Variants in BCL2L11 observed in about 807,000 individuals in gnomAD.
The protein encoded by BCL2L11 is bcl-2-like protein 11.
In BCL2L11, 15 loss-of-function variants were observed where a neutral mutation model predicts 20.6. The ratio of observed to expected loss-of-function variants is 0.73; its 90% CI spans 0.49 to 1.12. The LOEUF is 1.12. BCL2L11 is among the 50% of genes most tolerant of loss of function. The pLI, the probability that BCL2L11 is intolerant of heterozygous loss-of-function variation, is 0.00. For missense variants in BCL2L11, 292 were observed against 260.9 expected (o/e 1.12, Z -0.82); for synonymous variants, 108 against 92.8 (o/e 1.16, Z -0.94).
intron 2 of BCL2L11, among the ~76,000 whole-genome samples, chr2:111,136,562 C>G (rs1193854606): frequency 6.6e-6 from 1 of 152,160 alleles, no homozygotes; most frequent in African/African-American, 2.4e-5. Flanking sequence ...GGGTGGCTTA[C>G]AAACAACAGA....
intron 2 of BCL2L11, chr2:111,144,670 C>G: frequency 9.3e-7 from 1 of 1,073,186 alleles, no homozygotes; most frequent in East Asian, 2.6e-5. Context: ...ATTTTTCTTT[C>G]TCTAAATGAA....
At chr2:111,142,399 GTTTTTC>G (rs1306273371) in intron 2 of BCL2L11, 1 of 1,548,922 alleles carries the variant, frequency 6.5e-7, no homozygotes, top group East Asian at 2.4e-5. Context: ...AAGGTGAAAA[GTTTTTC>G]TTTTTATTCA....
At chr2:111,150,547 G>A (rs1217200450) in intron 3 of BCL2L11, among the ~76,000 whole-genome samples, 4 of 152,172 alleles carry the variant, frequency 2.6e-5, no homozygotes, top group South Asian at 2.1e-4. Context: ...GTCACTTAGC[G>A]CATGGGAGCG....
intron 2 of BCL2L11, chr2:111,145,980 A>T (rs1470214399): frequency 1.0e-6 from 1 of 981,204 alleles, no homozygotes; most frequent in Non-Finnish European, 1.2e-6. Context: ...TCTGCCTAGG[A>T]AGTCACCTCT....
In BCL2L11 at chr2:111,165,913, T is replaced by G. The variant is rs934741825; in HGVS notation, c.*1682T>G. 6.6e-6 allele frequency: 1 copy of G among 152,234 alleles called. No individual in the cohort carries two copies. Among genetic ancestry groups the G allele is most frequent in the Admixed American group, 6.5e-5 (1 of 15,286 alleles). 9.4% of individuals were successfully genotyped at this position (152,234 alleles called of 1,614,324 possible). A position where few individuals can be genotyped will look rare whatever the true frequency, so the allele number is the denominator to read the frequency against. ...ATTTTTATCTTCATAATTTAAAAAA[T>G]ATATATGTATATATTGCATATTCAC... On this transcript the variant is annotated 3_prime_UTR_variant, in exon 4 of 4. Transcript: ENST00000393256.
intron 2 of BCL2L11, among the ~76,000 whole-genome samples, chr2:111,141,140 C>T (rs1387216553): frequency 6.6e-6 from 1 of 152,214 alleles, no homozygotes; most frequent in African/African-American, 2.4e-5. Context: ...CATGGCCCTT[C>T]CGCAGTGGTC....
intron 2 of BCL2L11, chr2:111,128,965 A>G (rs2150292702): frequency 1.5e-6 from 1 of 685,816 alleles, no homozygotes; most frequent in Non-Finnish European, 2.2e-6. Context: ...TGGAGTGTGC[A>G]GTGCTGCTCT....
intron 2 of BCL2L11, among the ~76,000 whole-genome samples, chr2:111,134,977 A>G (rs1194492730): frequency 6.6e-6 from 1 of 152,160 alleles, no homozygotes; most frequent in African/African-American, 2.4e-5. Context: ...GTGTCTTGTC[A>G]TGGGTTCTTT....
At chr2:111,153,910 C>T (rs774750495) in intron 3 of BCL2L11, 3 of 1,538,178 alleles carry the variant, frequency 2.0e-6, no homozygotes, top group Non-Finnish European at 1.8e-6. Flanking sequence ...CACAGGTGAG[C>T]GCAAAGTCCC....
rs1475852311 is a variant in BCL2L11 at position 111,124,018 on chromosome 2, A to G, written c.273A>G (p.Arg91=). Residue 91 remains arginine, a synonymous_variant, in exon 2 of 4, where the codon CGA becomes CGG. Coordinates refer to ENST00000393256, the MANE Select transcript of BCL2L11 (RefSeq NM_138621.5). ...IFMRRSSLLS[R]SSSGYFSFDT... ...TGAGAAGATCCTCCCTGCTGTCTCG[A>G]TCCTCCAGTGGGTATTTCTCTTTTG... 1 of 1,614,052 alleles carries G rather than the reference A, an allele frequency of 6.2e-7. No homozygotes were observed.
intron 2 of BCL2L11, among the ~76,000 whole-genome samples, chr2:111,141,069 A>G (rs1417719690): frequency 1.3e-5 from 2 of 152,218 alleles, no homozygotes; most frequent in Non-Finnish European, 2.9e-5. Context: ...GTCCTCCCAT[A>G]GGCCTATTAA....
intron 2 of BCL2L11, 134 bp downstream of exon 2, chr2:111,124,273 G>C (rs2150149621): frequency 1.9e-6 from 2 of 1,078,940 alleles, no homozygotes; most frequent in Non-Finnish European, 2.6e-6. Flanking sequence ...AATGGAGGAT[G>C]TGTCAAACTA....
intron 2 of BCL2L11, among the ~76,000 whole-genome samples, chr2:111,138,187 T>C (rs1008201869): frequency 6.6e-6 from 1 of 152,044 alleles, no homozygotes; most frequent in Non-Finnish European, 1.5e-5. Flanking sequence ...TTTTGTATTT[T>C]TAGTAGAGAC....
In BCL2L11 at chr2:111,124,000, A is replaced by C; in HGVS notation, c.255A>C (p.Arg85Ser). The stretch of plus-strand genomic sequence containing the variant: ...CCCCGCTTTTCATCTTTATGAGAAG[A>C]TCCTCCCTGCTGTCTCGATCCTCCA... ...TRSPLFIFMRRSSLLSRSSSG... is the reference protein window; with the variant it reads ...TRSPLFIFMRSSSLLSRSSSG... Residue 85 changes from arginine (R) to serine (S), a missense_variant, in exon 2 of 4, where the codon AGA becomes AGC. Coordinates refer to ENST00000393256, the MANE Select transcript of BCL2L11 (RefSeq NM_138621.5). 1 of 1,614,186 alleles carries C rather than the reference A, an allele frequency of 6.2e-7. No individual in the cohort carries two copies. Among genetic ancestry groups the C allele is most frequent in the Non-Finnish European group, 8.5e-7 (1 of 1,180,034 alleles).
At chr2:111,125,910 T>C (rs907478423) in intron 2 of BCL2L11, among the ~76,000 whole-genome samples, 7 of 152,170 alleles carry the variant, frequency 4.6e-5, no homozygotes, top group African/African-American at 7.2e-5. Context: ...CTCCCCCATA[T>C]ATATGATCAT....
At chr2:111,133,248 A>G (rs2074273546) in intron 2 of BCL2L11, among the ~76,000 whole-genome samples, 2 of 152,248 alleles carry the variant, frequency 1.3e-5, no homozygotes, top group Admixed American at 1.3e-4. Flanking sequence ...CCTGCCAAAC[A>G]GCGTGCTGTG....
Position 111,147,390 on chromosome 2 carries a change from A to ACC in BCL2L11, c.395-2652_395-2651dup, listed in dbSNP as rs1553500143. On this transcript the variant is annotated intron_variant, in intron 2 of 3. Coordinates refer to ENST00000393256, the MANE Select transcript of BCL2L11 (RefSeq NM_138621.5). ...CACACACACACACACACACACACAC[A>ACC]CCCGCCATTTCTCCCTGCCAGAGCT... Among the ~76,000 whole-genome samples, 1,040 of 138,300 alleles carry ACC rather than the reference A, an allele frequency of 7.5e-3. 6 individuals carry two copies. Among genetic ancestry groups the ACC allele is most frequent in the East Asian group, 0.017 (79 of 4,618 alleles). The allele number at this position is 138,300 out of a possible 152,430, so 90.7% of individuals were successfully genotyped here.
chr2:111,142,165 C>CT (rs1274746182), intron 2 of BCL2L11: 2 of 704,256 alleles, frequency 2.8e-6, no homozygotes, highest in Non-Finnish European at 4.9e-6. Context: ...AGAACACAGT[C>CT]TTTCAGCACA....
chr2:111,139,444 G>T (rs1392239574), intron 2 of BCL2L11, among the ~76,000 whole-genome samples: 1 of 152,198 alleles, frequency 6.6e-6, no homozygotes, highest in Non-Finnish European at 1.5e-5. Context: ...CAAAATAAGG[G>T]ATACATTGGT....
Sources: allele counts gnomAD v4.1 joint callset (sites outside exome capture counted in the v4.1 genomes callset), GRCh38; gene constraint gnomAD v4.1.1; transcripts MANE v1.5; gene names NCBI Gene and HGNC (gene_info 2026-07-23, HGNC 2026-07-21).